SPMIP2: variants seen among roughly 807,000 people sequenced by gnomAD.
SPMIP2 encodes the protein protein SPMIP2.
the SPMIP2 span, among the ~76,000 whole-genome samples, chr4:158,981,245 G>A: frequency 1.3e-5 from 2 of 152,184 alleles, no homozygotes; most frequent in Non-Finnish European, 2.9e-5. Context: ...GTACCTGAAA[G>A]TGACAGGGAG....
chr4:159,063,324 C>T, the SPMIP2 span, among the ~76,000 whole-genome samples: 14 of 152,002 alleles, frequency 9.2e-5, no homozygotes, highest in South Asian at 2.1e-4. Context: ...TTTGGGAGAC[C>T]GAGACAGGAG....
At chr4:158,915,311 A>T in the SPMIP2 span, 5 of 1,613,580 alleles carry the variant, frequency 3.1e-6, no homozygotes, top group Non-Finnish European at 4.2e-6. Flanking sequence ...AGGCAAAAGA[A>T]GCGCGACTCT....
At chr4:158,955,375 A>G in the SPMIP2 span, among the ~76,000 whole-genome samples, 1 of 152,216 alleles carries the variant, frequency 6.6e-6, no homozygotes, top group Non-Finnish European at 1.5e-5. Context: ...TCTTTAAGAT[A>G]CAATTAATTG....
the SPMIP2 span, among the ~76,000 whole-genome samples, chr4:158,985,068 C>T: frequency 6.7e-6 from 1 of 149,488 alleles, no homozygotes. Flanking sequence ...ATACACCCTC[C>T]CAAGACTAAA....
chr4:159,012,445 C>T, the SPMIP2 span, among the ~76,000 whole-genome samples: 1 of 152,144 alleles, frequency 6.6e-6, no homozygotes, highest in Non-Finnish European at 1.5e-5. Context: ...GATCTGATAC[C>T]TTCACAGCAC....
chr4:159,051,611 T>C, the SPMIP2 span, among the ~76,000 whole-genome samples: 1 of 152,232 alleles, frequency 6.6e-6, no homozygotes, highest in South Asian at 2.1e-4. Context: ...AGATGTAACA[T>C]CTATTTAGAA....
the SPMIP2 span, among the ~76,000 whole-genome samples, chr4:159,021,809 C>A: frequency 6.6e-6 from 1 of 152,182 alleles, no homozygotes; most frequent in East Asian, 1.9e-4. Flanking sequence ...ACAAAAGAAG[C>A]TGGCATTCCT....
the SPMIP2 span, among the ~76,000 whole-genome samples, chr4:159,043,731 T>C: frequency 6.6e-6 from 1 of 152,334 alleles, no homozygotes; most frequent in East Asian, 1.9e-4. Context: ...AGTTCCTCCT[T>C]AGAACCAATG....
At chr4:159,025,313 A>C in the SPMIP2 span, among the ~76,000 whole-genome samples, 5 of 152,134 alleles carry the variant, frequency 3.3e-5, no homozygotes, top group Non-Finnish European at 5.9e-5. Flanking sequence ...TACAGACGTG[A>C]ACCACCACAC....
the SPMIP2 span, among the ~76,000 whole-genome samples, chr4:158,948,985 C>T: frequency 1.3e-5 from 2 of 152,072 alleles, no homozygotes; most frequent in South Asian, 2.1e-4. Flanking sequence ...TTTTCTCTGA[C>T]CTTTTTCTGA....
At chr4:158,944,117 G>A in the SPMIP2 span, among the ~76,000 whole-genome samples, 1 of 151,990 alleles carries the variant, frequency 6.6e-6, no homozygotes, top group Non-Finnish European at 1.5e-5. Flanking sequence ...GCCTCCCAAA[G>A]TGCTGGGATT....
chr4:158,910,526 GC>G, the SPMIP2 span, among the ~76,000 whole-genome samples: 1 of 151,944 alleles, frequency 6.6e-6, no homozygotes, highest in Admixed American at 6.6e-5. Context: ...GCCCGCCTCA[GC>G]CTCCCAAAGT....
chr4:158,896,667 G>A, the SPMIP2 span, among the ~76,000 whole-genome samples: 3 of 151,846 alleles, frequency 2.0e-5, no homozygotes, highest in Non-Finnish European at 4.4e-5. Flanking sequence ...TGTGTTGTTC[G>A]GCTCTTGGCA....
At chr4:159,008,327 C>T in the SPMIP2 span, among the ~76,000 whole-genome samples, 1 of 152,172 alleles carries the variant, frequency 6.6e-6, no homozygotes, top group South Asian at 2.1e-4. Context: ...AATCCCAGCA[C>T]TTTAGGAGGC....
At chr4:158,920,904 A>C in the SPMIP2 span, among the ~76,000 whole-genome samples, 1 of 152,262 alleles carries the variant, frequency 6.6e-6, no homozygotes, top group South Asian at 2.1e-4. Flanking sequence ...CCCTTCTGAA[A>C]CCCTTAATAA....
chr4:158,929,875 CCTTT>C, the SPMIP2 span, among the ~76,000 whole-genome samples: 1 of 151,966 alleles, frequency 6.6e-6, no homozygotes, highest in African/African-American at 2.4e-5. Context: ...TTACCAGTGC[CCTTT>C]ATTTCTTCAT....
At chr4:159,011,488 C>A in the SPMIP2 span, among the ~76,000 whole-genome samples, 1 of 152,006 alleles carries the variant, frequency 6.6e-6, no homozygotes, top group East Asian at 1.9e-4. Flanking sequence ...CGGTGGCTCA[C>A]GCCTGTAATC....
chr4:158,950,209 C>T, the SPMIP2 span, among the ~76,000 whole-genome samples: 1 of 152,334 alleles, frequency 6.6e-6, no homozygotes, highest in Admixed American at 6.5e-5. Flanking sequence ...GGCATGTCAT[C>T]ATTTCTTTCT....
At chr4:158,917,924 A>G in the SPMIP2 span, among the ~76,000 whole-genome samples, 1 of 151,662 alleles carries the variant, frequency 6.6e-6, no homozygotes, top group Admixed American at 6.6e-5. Context: ...TCACCATGTT[A>G]CCCAGGCTAG....
Sources: gnomAD v4.1 joint callset for allele counts (sites outside exome capture counted in the v4.1 genomes callset) on GRCh38, gnomAD v4.1.1 for gene constraint, MANE v1.5 for transcripts, NCBI Gene and HGNC (gene_info 2026-07-23, HGNC 2026-07-21) for gene names.